The following FBXO34 variants were observed in gnomAD, a reference collection of about 807,000 sequenced individuals.
FBXO34 encodes the protein F-box only protein 34.
In FBXO34, 12 loss-of-function variants were observed where a neutral mutation model predicts 24.5. The observed-to-expected ratio is 0.49, with a 90% CI of 0.31 to 0.79. The LOEUF (loss-of-function observed/expected upper bound fraction) is 0.79, where lower values mean the gene tolerates loss of function less well. Among genes scored for constraint, FBXO34 ranks in the 30% least tolerant of loss-of-function variants. The pLI is 0.04. For missense variants in FBXO34, 823 were observed against 857.7 expected (o/e 0.96, Z 0.51); for synonymous variants, 320 against 311.9 (o/e 1.03, Z -0.27).
chr14:55,403,179 T>C, the FBXO34 span, among the ~76,000 whole-genome samples: 1 of 151,740 alleles, frequency 6.6e-6, no homozygotes, highest in Non-Finnish European at 1.5e-5. Context: ...ATGGGAATAA[T>C]GCTTACATAC....
chr14:55,276,665 C>T (rs1342115693), intron 1 of FBXO34, among the ~76,000 whole-genome samples: 3 of 151,974 alleles, frequency 2.0e-5, no homozygotes, highest in Non-Finnish European at 4.4e-5. Flanking sequence ...AACAATTTTA[C>T]AGAAGTTAAG....
At chr14:55,400,448 G>A in the FBXO34 span, among the ~76,000 whole-genome samples, 1,166 of 152,142 alleles carry the variant, frequency 7.7e-3, 12 homozygotes, top group African/African-American at 0.023. Flanking sequence ...ATAGGTACAC[G>A]GCATTTCACT....
At chr14:55,355,811 CCATTTTAATGTGAGG>C, downstream of FBXO34, among the ~76,000 whole-genome samples, 1 of 152,196 alleles carries the variant, frequency 6.6e-6, no homozygotes, top group Non-Finnish European at 1.5e-5. Context: ...TCTCGAGTGA[CCATTTTAATGTGAGG>C]AGTGCCTCCA....
the FBXO34 span, chr14:55,440,423 C>G: frequency 4.3e-6 from 7 of 1,612,962 alleles, no homozygotes; most frequent in Middle Eastern, 1.6e-4. Flanking sequence ...CCAGGTAGAG[C>G]TCCAGGTAGG....
the FBXO34 span, among the ~76,000 whole-genome samples, chr14:55,432,966 T>A: frequency 2.0e-5 from 3 of 152,324 alleles, no homozygotes; most frequent in Non-Finnish European, 4.4e-5. Flanking sequence ...TATCCATTTA[T>A]CTGCAATGAG....
intron 1 of FBXO34, chr14:55,282,345 T>C: frequency 2.2e-6 from 1 of 461,156 alleles, no homozygotes; most frequent in Admixed American, 2.1e-5. Flanking sequence ...CACAATGATT[T>C]TCTGCTTCTT....
downstream of FBXO34, among the ~76,000 whole-genome samples, chr14:55,366,113 C>A (rs1260457459): frequency 2.6e-5 from 4 of 152,146 alleles, no homozygotes; most frequent in African/African-American, 4.8e-5. Context: ...AAAACCAGGT[C>A]ATTGTAGGTC....
intron 1 of FBXO34, among the ~76,000 whole-genome samples, chr14:55,337,056 A>G (rs954513776): frequency 4.7e-5 from 7 of 150,056 alleles, no homozygotes; most frequent in African/African-American, 1.7e-4. Flanking sequence ...GCTCACTGCA[A>G]CCTCCACCTC....
intron 1 of FBXO34, among the ~76,000 whole-genome samples, chr14:55,302,205 A>C (rs1366361225): frequency 6.6e-6 from 1 of 152,192 alleles, no homozygotes; most frequent in Non-Finnish European, 1.5e-5. Context: ...TACTGATAGG[A>C]GTATTCCATC....
At chr14:55,347,587 G>A (rs1188512411) in intron 1 of FBXO34, among the ~76,000 whole-genome samples, 1 of 152,166 alleles carries the variant, frequency 6.6e-6, no homozygotes, top group Non-Finnish European at 1.5e-5. Context: ...CTTTGCAGCA[G>A]TCACCCTGTG....
chr14:55,426,534 TG>T, the FBXO34 span, among the ~76,000 whole-genome samples: 1 of 152,122 alleles, frequency 6.6e-6, no homozygotes, highest in East Asian at 1.9e-4. Context: ...AGAGGCCTCA[TG>T]TTAAAAATTC....
In FBXO34 at chr14:55,331,768, T is replaced by C. The variant is rs1442448231; in HGVS notation, c.-10-18613T>C. Among the ~76,000 whole-genome samples, 28 of 75,482 alleles carry C rather than the reference T, an allele frequency of 3.7e-4. 8 individuals are homozygous for C. Among genetic ancestry groups the C allele is most frequent in the Admixed American group, 9.2e-4 (7 of 7,636 alleles). 49.5% of individuals were successfully genotyped at this position (75,482 alleles called of 152,430 possible). A position where few individuals can be genotyped will look rare whatever the true frequency, so the allele number is the denominator to read the frequency against. On this transcript the variant is annotated intron_variant, in intron 1 of 1. Coordinates refer to ENST00000313833, the MANE Select transcript of FBXO34 (RefSeq NM_017943.4). The stretch of plus-strand genomic sequence containing the variant: ...GTGTATATATATATATATGTATATA[T>C]ATATATATATACCACCATGGTGTAT...
chr14:55,381,889 C>T, the FBXO34 span: 1 of 1,338,296 alleles, frequency 7.5e-7, no homozygotes. Flanking sequence ...CTTGAAAGCT[C>T]TTCATTTTGT....
At chr14:55,368,956 TGGA>T (rs1884747316), downstream of FBXO34, 1 of 152,632 alleles carries the variant, frequency 6.6e-6, no homozygotes, top group African/African-American at 2.4e-5. Context: ...CTTCCATTTA[TGGA>T]TGTGGGTCCT....
rs1188005937 is a variant in FBXO34 at position 55,350,583 on chromosome 14, C to G, written c.193C>G (p.Leu65Val). The G allele has an allele frequency of 6.2e-7, 1 of 1,612,434 alleles. No individual in the cohort carries two copies. Among genetic ancestry groups the G allele is most frequent in the Admixed American group, 1.7e-5 (1 of 59,424 alleles). ...KASSRKPFGI[L>V]SPNVLCSMSG... ...ATCATCTCGAAAGCCATTTGGGATC[C>G]TTTCTCCAAATGTTCTGTGCAGTAT... Residue 65 changes from leucine (L) to valine (V), a missense_variant, in exon 2 of 2, where the codon CTT becomes GTT. Leu to Val is a conservative substitution (Grantham distance 32, BLOSUM62 1). Coordinates refer to ENST00000313833, the MANE Select transcript of FBXO34 (RefSeq NM_017943.4).
At position 55,300,639 on chromosome 14, in the gene FBXO34, TG is replaced by T. The variant is rs1882319746; in HGVS notation, c.-11+29104del. Among the ~76,000 whole-genome samples, 9 of 152,324 alleles carry T rather than the reference TG, an allele frequency of 5.9e-5. No homozygotes were observed. In the South Asian group the frequency reaches 1.9e-3, roughly 32 times the overall value. ...ATTTGTTCTAGTGTTTTTCAGAGTC[TG>T]GATTTTAATGATTACATCTGTGGTT... On this transcript the variant is annotated intron_variant, in intron 1 of 1. Transcript: ENST00000313833.
the FBXO34 span, among the ~76,000 whole-genome samples, chr14:55,418,092 C>T: frequency 2.0e-3 from 308 of 152,246 alleles, no homozygotes; most frequent in African/African-American, 6.6e-3. Flanking sequence ...AATATACTTC[C>T]AGCTTAGGGA....
intron 1 of FBXO34, among the ~76,000 whole-genome samples, chr14:55,278,076 G>A (rs1394954840): frequency 2.0e-5 from 3 of 152,038 alleles, no homozygotes; most frequent in African/African-American, 7.3e-5. Flanking sequence ...GCCGCTACCA[G>A]AAGTTTAACT....
At position 55,284,745 on chromosome 14, in the gene FBXO34, A is replaced by G. The variant is rs1881700221; in HGVS notation, c.-11+13208A>G. ...ATCTTTCCATCTCATCCTCCTGAGT[A>G]GATGGGACTACAGGCATGTGCCACC... On this transcript the variant is annotated intron_variant, in intron 1 of 1. Transcript: ENST00000313833. Among the ~76,000 whole-genome samples, 3 of 148,592 alleles carry G rather than the reference A, an allele frequency of 2.0e-5. 1 individual carries two copies.
Sources: gnomAD v4.1 joint callset for allele counts (sites outside exome capture counted in the v4.1 genomes callset) on GRCh38, gnomAD v4.1.1 for gene constraint, MANE v1.5 for transcripts, NCBI Gene and HGNC (gene_info 2026-07-23, HGNC 2026-07-21) for gene names.